ZNF385D: variants seen among roughly 807,000 people sequenced by gnomAD.
ZNF385D encodes the protein zinc finger protein 659.
In ZNF385D, 15 loss-of-function variants were observed where a neutral mutation model predicts 35.8. The observed-to-expected ratio is 0.42, with a 90% confidence interval of 0.28 to 0.64. ZNF385D has a LOEUF of 0.64. Ranked by LOEUF, ZNF385D falls within the 30% of genes least tolerant of loss-of-function variation. The pLI is 0.23. For missense variants in ZNF385D, 474 were observed against 494.6 expected (o/e 0.96, Z 0.39); for synonymous variants, 212 against 186.8 (o/e 1.13, Z -1.10).
chr3:22,175,626 G>T (rs567760570), intron 2 of ZNF385D, among the ~76,000 whole-genome samples: 140 of 151,842 alleles, frequency 9.2e-4, no homozygotes, highest in African/African-American at 3.2e-3. Context: ...ACTTGTGAAA[G>T]AAATTTGGCC....
intron 2 of ZNF385D, among the ~76,000 whole-genome samples, chr3:22,235,978 T>C (rs1576541852): frequency 6.6e-6 from 1 of 152,094 alleles, no homozygotes; most frequent in African/African-American, 2.4e-5. Flanking sequence ...AAATTTCCTA[T>C]GGAGAGGGGC....
rs559006895 is a variant in ZNF385D, at chr3:21,820,670, T to A, written c.326-155642A>T. Among the ~76,000 whole-genome samples, 44 of 151,558 alleles carry A rather than the reference T, an allele frequency of 2.9e-4. 1 individual carries two copies. The South Asian group carries it at 9.2e-3, about 32-fold the overall frequency. On this transcript the variant is annotated intron_variant, in intron 3 of 5. Coordinates refer to the ZNF385D transcript ENST00000494108. ...GTTTCTTGAGGAGACTAATAAATTT[T>A]AAAAATTTCTCGAAAGAAAAATAGA...
At chr3:21,704,371 A>C (rs2067818473) in intron 1 of ZNF385D, among the ~76,000 whole-genome samples, 3 of 152,118 alleles carry the variant, frequency 2.0e-5, no homozygotes. Flanking sequence ...ACCCCCTCAG[A>C]GTCCCGAGCA....
intron 3 of ZNF385D, among the ~76,000 whole-genome samples, chr3:22,049,886 T>A (rs891671585): frequency 2.0e-5 from 3 of 152,208 alleles, no homozygotes; most frequent in African/African-American, 7.2e-5. Flanking sequence ...AATAGGCTAC[T>A]GAATTTTGGT....
chr3:22,138,887 A>G (rs1704320549), intron 3 of ZNF385D, among the ~76,000 whole-genome samples: 1 of 152,184 alleles, frequency 6.6e-6, no homozygotes, highest in South Asian at 2.1e-4. Context: ...GGCAACCTAC[A>G]CAATGGGAGA....
intron 3 of ZNF385D, among the ~76,000 whole-genome samples, chr3:21,925,693 C>G (rs1375303924): frequency 6.6e-6 from 1 of 152,026 alleles, no homozygotes; most frequent in Non-Finnish European, 1.5e-5. Flanking sequence ...GGATAACCTA[C>G]AGACTCTGAG....
chr3:22,361,858 T>A (rs1696423652), intron 2 of ZNF385D, among the ~76,000 whole-genome samples: 1 of 151,946 alleles, frequency 6.6e-6, no homozygotes, highest in Non-Finnish European at 1.5e-5. Flanking sequence ...CCACCTAATT[T>A]GTGGGAAGAA....
intron 3 of ZNF385D, among the ~76,000 whole-genome samples, chr3:22,129,710 G>T (rs1023674621): frequency 2.0e-5 from 3 of 149,596 alleles, no homozygotes; most frequent in African/African-American, 7.4e-5. Flanking sequence ...GACTCAGTCT[G>T]TTTTTTCAGG....
chr3:22,138,648 C>T (rs1704308125), intron 3 of ZNF385D, among the ~76,000 whole-genome samples: 1 of 151,982 alleles, frequency 6.6e-6, no homozygotes, highest in Non-Finnish European at 1.5e-5. Flanking sequence ...CTTCCTTACA[C>T]CTTAGACAAA....
chr3:21,623,640 A>T (rs1406507434), intron 2 of ZNF385D, among the ~76,000 whole-genome samples: 29 of 152,118 alleles, frequency 1.9e-4, no homozygotes, highest in Admixed American at 1.9e-3. Flanking sequence ...AGTCTGGGCA[A>T]CAGAGAAAGA....
chr3:22,138,204 G>C (rs1161716220), intron 3 of ZNF385D, among the ~76,000 whole-genome samples: 1 of 152,066 alleles, frequency 6.6e-6, no homozygotes, highest in African/African-American at 2.4e-5. Context: ...ATGCTCATGG[G>C]TAGGAAGAAT....
At chr3:21,621,347 G>A (rs576125382) in intron 2 of ZNF385D, among the ~76,000 whole-genome samples, 2 of 152,086 alleles carry the variant, frequency 1.3e-5, no homozygotes, top group Non-Finnish European at 2.9e-5. Context: ...AGATCTATCA[G>A]TTACTAATTA....
intron 1 of ZNF385D, among the ~76,000 whole-genome samples, chr3:21,749,123 CAA>C (rs1340925165): frequency 1.3e-5 from 2 of 152,224 alleles, no homozygotes; most frequent in African/African-American, 4.8e-5. Flanking sequence ...CCTTGCCTTT[CAA>C]AGAGTAGAGT....
chr3:21,667,505 A>G (rs1364876432), intron 1 of ZNF385D, among the ~76,000 whole-genome samples: 2 of 152,180 alleles, frequency 1.3e-5, no homozygotes, highest in Non-Finnish European at 2.9e-5. Flanking sequence ...TTTGCAAATG[A>G]TATTCATATA....
intron 2 of ZNF385D, among the ~76,000 whole-genome samples, chr3:22,288,813 T>A (rs1016909064): frequency 1.3e-5 from 2 of 152,158 alleles, no homozygotes; most frequent in African/African-American, 4.8e-5. Flanking sequence ...GTTTATTAGA[T>A]GAGACAGTAG....
At chr3:21,616,968 A>G (rs1330923983) in intron 2 of ZNF385D, among the ~76,000 whole-genome samples, 1 of 152,150 alleles carries the variant, frequency 6.6e-6, no homozygotes, top group Non-Finnish European at 1.5e-5. Flanking sequence ...AAGGTCTCAA[A>G]AAAGTCAGAA....
intron 2 of ZNF385D, among the ~76,000 whole-genome samples, chr3:22,202,340 CCTT>C (rs1275676117): frequency 6.6e-6 from 1 of 152,000 alleles, no homozygotes; most frequent in African/African-American, 2.4e-5. Context: ...AGCCATGTCT[CCTT>C]CTCCTCAGAA....
chr3:21,437,197 G>A lies in ZNF385D; in HGVS notation c.446C>T (p.Thr149Ile). ...CGTTGATATTGCTGGTGTCCCTGCA[G>A]TACCGTCTGTATTCAAAATAACACA... ...INTSSDKTDG[T>I]AGTPAISTTT... Residue 149 changes from threonine (T) to isoleucine (I), a missense_variant, in exon 5 of 8, where the codon ACT (threonine) becomes ATT (isoleucine). By Grantham distance (89) the Thr-to-Ile change is moderately conservative. Coordinates refer to ENST00000281523, the MANE Select transcript of ZNF385D (RefSeq NM_024697.3). The A allele has an allele frequency of 1.9e-6, 3 of 1,611,888 alleles. No homozygotes were observed. Among genetic ancestry groups the A allele is most frequent in the Non-Finnish European group, 1.7e-6 (2 of 1,179,000 alleles).
chr3:21,847,799 A>C (rs1035605317), intron 3 of ZNF385D, among the ~76,000 whole-genome samples: 1 of 152,008 alleles, frequency 6.6e-6, no homozygotes, highest in Non-Finnish European at 1.5e-5. Flanking sequence ...TCATATCCTG[A>C]CATTTGGCAG....
Sources: allele counts gnomAD v4.1 joint callset (sites outside exome capture counted in the v4.1 genomes callset), GRCh38; gene constraint gnomAD v4.1.1; transcripts MANE v1.5; gene names NCBI Gene and HGNC (gene_info 2026-07-23, HGNC 2026-07-21).